The following MGAT5 variants were observed in gnomAD, a reference collection of about 807,000 sequenced individuals.
MGAT5 encodes the protein alpha-1,6-mannosylglycoprotein 6-beta-N-acetylglucosaminyltransferase A.
In MGAT5, 30 loss-of-function variants were observed where a neutral mutation model predicts 94.3. The observed-to-expected ratio is 0.32, with a 90% CI of 0.24 to 0.43. The LOEUF is 0.43. Ranked by LOEUF, MGAT5 falls within the 20% of genes least tolerant of loss-of-function variation. MGAT5 has a pLI of 1.00. For synonymous variants in MGAT5, 310 were observed against 322.9 expected (o/e 0.96, Z 0.43); for missense variants, 691 against 905.5 (o/e 0.76, Z 3.04).
At chr2:134,304,955 T>C (rs953819177) in intron 2 of MGAT5, among the ~76,000 whole-genome samples, 4 of 152,198 alleles carry the variant, frequency 2.6e-5, no homozygotes, top group African/African-American at 7.2e-5. Flanking sequence ...CAATGGCTTG[T>C]AGGTTTCATA....
At chr2:134,195,033 C>T (rs1357657667) in intron 1 of MGAT5, among the ~76,000 whole-genome samples, 1 of 152,176 alleles carries the variant, frequency 6.6e-6, no homozygotes, top group Admixed American at 6.5e-5. Flanking sequence ...CTGTGAAAGT[C>T]ACATACCTAT....
chr2:134,369,557 G>A (rs1049960436), intron 10 of MGAT5, among the ~76,000 whole-genome samples: 10 of 152,038 alleles, frequency 6.6e-5, no homozygotes, highest in African/African-American at 2.4e-4. Context: ...CAAAATAAGA[G>A]GAGCATTTAT....
rs1216675650 is a variant in MGAT5 at position 134,452,784 on chromosome 2, T to C, written c.*3937T>C. The C allele has an allele frequency of 2.6e-5, 4 of 152,372 alleles. No homozygotes were observed. The highest frequency in any genetic ancestry group is 2.1e-4 in the South Asian group (1 of 4,828). The allele number at this position is 152,372 out of a possible 1,614,324, so 9.4% of individuals were successfully genotyped here. A position where few individuals can be genotyped will look rare whatever the true frequency, so the allele number is the denominator to read the frequency against. ...TTATTTAAAAGTATTTTAATTTCCA[T>C]ATTGGCTTTATTCTAATCCCATCCA... On this transcript the variant is annotated 3_prime_UTR_variant, in exon 16 of 16. Transcript: ENST00000281923.
chr2:134,247,545 A>G (rs1231544132), intron 1 of MGAT5, among the ~76,000 whole-genome samples: 1 of 152,154 alleles, frequency 6.6e-6, no homozygotes, highest in Non-Finnish European at 1.5e-5. Flanking sequence ...AGGATTTGGC[A>G]TGTCAAACTT....
At chr2:134,188,016 A>G (rs968854335) in intron 1 of MGAT5, among the ~76,000 whole-genome samples, 17 of 152,210 alleles carry the variant, frequency 1.1e-4, no homozygotes, top group African/African-American at 4.1e-4. Flanking sequence ...ATTGCAGTGA[A>G]ATTTGTCACT....
chr2:134,302,841 T>A (rs982089192), intron 2 of MGAT5, among the ~76,000 whole-genome samples: 5 of 151,828 alleles, frequency 3.3e-5, no homozygotes, highest in African/African-American at 4.8e-5. Context: ...ATGTAATGTG[T>A]CTTGTTTTTC....
chr2:134,237,876 G>A (rs1681745196), intron 1 of MGAT5, among the ~76,000 whole-genome samples: 2 of 150,918 alleles, frequency 1.3e-5, no homozygotes, highest in South Asian at 2.1e-4. Flanking sequence ...TCAGCCTCCT[G>A]AGTAGCTGGG....
rs34234717 is a variant in MGAT5 at position 134,422,004 on chromosome 2, C to CAA, written c.1678-785_1678-784dup. Among the ~76,000 whole-genome samples the CAA allele has an allele frequency of 1.5e-4, 19 of 128,604 alleles. No individual in the cohort carries two copies. In the East Asian group the frequency reaches 3.0e-3, roughly 20 times the overall value. 84.4% of individuals were successfully genotyped at this position (128,604 alleles called of 152,430 possible). ...GCAACATACAGAGACCGTGTGTATA[C>CAA]AAAAAAAAAAAAAAATTGTTTTTAA... On this transcript the variant is annotated intron_variant, in intron 12 of 15. Coordinates refer to ENST00000281923, the MANE Select transcript of MGAT5 (RefSeq NM_002410.5).
At chr2:134,369,515 T>C (rs1342197297) in intron 10 of MGAT5, among the ~76,000 whole-genome samples, 1 of 152,144 alleles carries the variant, frequency 6.6e-6, no homozygotes, top group Non-Finnish European at 1.5e-5. Context: ...AAAAAAAGAA[T>C]GAATTATTAT....
At chr2:134,260,551 A>T (rs1683259929) in intron 1 of MGAT5, among the ~76,000 whole-genome samples, 1 of 152,224 alleles carries the variant, frequency 6.6e-6, no homozygotes, top group South Asian at 2.1e-4. Context: ...CTCTTGTGAA[A>T]AAGGAACAAA....
At chr2:134,289,192 C>T (rs916471194) in intron 2 of MGAT5, among the ~76,000 whole-genome samples, 1 of 152,188 alleles carries the variant, frequency 6.6e-6, no homozygotes, top group African/African-American at 2.4e-5. Flanking sequence ...GTGCCAGTCT[C>T]TCCTCTTCCC....
At chr2:134,134,975 C>T (rs552422156) in intron 1 of MGAT5, among the ~76,000 whole-genome samples, 1 of 152,324 alleles carries the variant, frequency 6.6e-6, no homozygotes, top group African/African-American at 2.4e-5. Flanking sequence ...TTTGGAAACT[C>T]ATGTTACCTG....
intron 4 of MGAT5, among the ~76,000 whole-genome samples, chr2:134,335,891 CTT>C (rs1321334556): frequency 1.3e-5 from 2 of 152,148 alleles, no homozygotes; most frequent in African/African-American, 4.8e-5. Flanking sequence ...ATGTTTCAGT[CTT>C]TTAACTTTCT....
At chr2:134,296,774 A>G (rs746090293) in intron 2 of MGAT5, among the ~76,000 whole-genome samples, 14 of 152,196 alleles carry the variant, frequency 9.2e-5, no homozygotes, top group Non-Finnish European at 2.1e-4. Flanking sequence ...AGAATCCAAA[A>G]AAGGGAAGAT....
chr2:134,319,323 T>C (rs1687184417), intron 4 of MGAT5, among the ~76,000 whole-genome samples: 2 of 152,198 alleles, frequency 1.3e-5, no homozygotes, highest in South Asian at 2.1e-4. Flanking sequence ...ACACTTGTTA[T>C]TTTCTGGTTT....
chr2:134,413,338 C>T (rs957573224), intron 12 of MGAT5, among the ~76,000 whole-genome samples: 4 of 152,170 alleles, frequency 2.6e-5, no homozygotes, highest in African/African-American at 9.7e-5. Context: ...AACTGGTTAG[C>T]AGATACTTGT....
intron 8 of MGAT5, among the ~76,000 whole-genome samples, chr2:134,345,792 A>G (rs139136162): frequency 0.017 from 2,561 of 152,286 alleles, 39 homozygotes; most frequent in Non-Finnish European, 0.023. Flanking sequence ...ATTTTTAACA[A>G]TGTGAGAGTA....
At chr2:134,438,135 A>T (rs1292971354) in intron 14 of MGAT5, among the ~76,000 whole-genome samples, 2 of 152,166 alleles carry the variant, frequency 1.3e-5, no homozygotes, top group African/African-American at 4.8e-5. Flanking sequence ...CACACATAAA[A>T]GTACTTTAAC....
At chr2:134,193,894 T>A (rs1388007617) in intron 1 of MGAT5, among the ~76,000 whole-genome samples, 1 of 152,212 alleles carries the variant, frequency 6.6e-6, no homozygotes, top group African/African-American at 2.4e-5. Context: ...CTTGTACTTT[T>A]GTGCATAAAA....
Sources: gnomAD v4.1 joint callset for allele counts (sites outside exome capture counted in the v4.1 genomes callset) on GRCh38, gnomAD v4.1.1 for gene constraint, MANE v1.5 for transcripts, NCBI Gene and HGNC (gene_info 2026-07-23, HGNC 2026-07-21) for gene names.